Variants in SIPA1L1 observed in about 807,000 individuals in gnomAD.
SIPA1L1 encodes signal-induced proliferation-associated 1-like protein 1.
A neutral mutation model predicts 162.7 loss-of-function variants in SIPA1L1; 26 were observed. That is an observed-to-expected ratio of 0.16 (90% CI 0.12 to 0.22). The LOEUF (loss-of-function observed/expected upper bound fraction) is 0.22. Among genes scored for constraint, SIPA1L1 ranks in the 10% least tolerant of loss-of-function variants. The pLI is 1.00. For synonymous variants in SIPA1L1, 829 were observed against 837.4 expected (o/e 0.99, Z 0.17); for missense variants, 1,874 against 2,241.0 (o/e 0.84, Z 3.31).
Position 71,588,209 on chromosome 14 carries a change from A to T in SIPA1L1, c.337A>T (p.Ser113Cys), listed in dbSNP as rs1428925395. 9 of 1,614,068 alleles carry T rather than the reference A, an allele frequency of 5.6e-6. No homozygotes were observed. In the African/African-American group the frequency reaches 1.1e-4, roughly 19 times the overall value. Residue 113 changes from serine to cysteine, a missense_variant, in exon 5 of 24, where the codon AGC becomes TGC. Transcript: ENST00000381232. This position sits in a 1 kb window ranked among gnomAD's most constrained non-coding sequence, Gnocchi z 4.3. ...SSCLDSLSSK[S>C]SPVSQGSSVS... ...TTGCCTTGATAGCCTGTCCTCCAAA[A>T]GCAGTCCTGTGAGTCAGGGAAGTTC...
intron 4 of SIPA1L1, among the ~76,000 whole-genome samples, chr14:71,543,711 T>C (rs1393502141): frequency 6.6e-6 from 1 of 151,438 alleles, no homozygotes; most frequent in African/African-American, 2.4e-5. Flanking sequence ...CTTTTTTTTT[T>C]TTTTGCAGTG....
chr14:71,611,609 A>G (rs952999360), intron 5 of SIPA1L1, among the ~76,000 whole-genome samples: 2 of 149,128 alleles, frequency 1.3e-5, no homozygotes, highest in Admixed American at 6.6e-5. Context: ...CCCTGTGTCC[A>G]TGTTCTCATT....
At chr14:71,609,962 G>C (rs1163321174) in intron 5 of SIPA1L1, among the ~76,000 whole-genome samples, 1 of 148,534 alleles carries the variant, frequency 6.7e-6, no homozygotes, top group Non-Finnish European at 1.5e-5. Context: ...TTGAAGCACA[G>C]TTGCAGAAGT....
chr14:71,684,556 C>G (rs1479858751), intron 12 of SIPA1L1, among the ~76,000 whole-genome samples: 3 of 152,266 alleles, frequency 2.0e-5, no homozygotes, highest in Non-Finnish European at 2.9e-5. Context: ...TGCTCGTACA[C>G]CCTTTCGGAG....
At chr14:71,359,989 G>A (rs1202780481) in intron 2 of SIPA1L1, among the ~76,000 whole-genome samples, 1 of 152,190 alleles carries the variant, frequency 6.6e-6, no homozygotes, top group Non-Finnish European at 1.5e-5. Flanking sequence ...GAGTTTCAGG[G>A]TATGAGGGTA....
chr14:71,415,532 T>C (rs571267101), intron 2 of SIPA1L1, among the ~76,000 whole-genome samples: 2 of 152,340 alleles, frequency 1.3e-5, no homozygotes, highest in Non-Finnish European at 2.9e-5. Context: ...AATGTAGCTC[T>C]GCTCTGGTAC....
chr14:71,459,728 G>T (rs1266061601), intron 2 of SIPA1L1, among the ~76,000 whole-genome samples: 1 of 152,064 alleles, frequency 6.6e-6, no homozygotes, highest in Non-Finnish European at 1.5e-5. Context: ...CCAGATTAAG[G>T]GTGGGTCTGC....
At chr14:71,610,068 T>G (rs1002828949) in intron 5 of SIPA1L1, among the ~76,000 whole-genome samples, 15 of 152,302 alleles carry the variant, frequency 9.8e-5, no homozygotes, top group Middle Eastern at 3.4e-3. Context: ...CATTTCAAAG[T>G]AGGGGTGAGT....
intron 12 of SIPA1L1, among the ~76,000 whole-genome samples, chr14:71,674,227 G>A (rs920908393): frequency 1.9e-4 from 29 of 152,160 alleles, no homozygotes; most frequent in Non-Finnish European, 3.5e-4. Flanking sequence ...TCTTTCCCTT[G>A]TATCTAGGCT....
Position 71,653,670 on chromosome 14 carries a change from T to G in SIPA1L1, c.1993+3161T>G, listed in dbSNP as rs568632064. 3.9e-5 allele frequency among the ~76,000 whole-genome samples: 6 copies of G among 152,326 alleles called. No individual in the cohort carries two copies. In the South Asian group the frequency reaches 1.2e-3, roughly 32 times the overall value. ...TCTCCAATGTCTGCAAACAGTTGTT[T>G]CAGCTATTATATCATTTTTTCTAGT... On this transcript the variant is annotated intron_variant, in intron 8 of 23. Coordinates refer to ENST00000381232, the MANE Select transcript of SIPA1L1 (RefSeq NM_001386936.1).
intron 10 of SIPA1L1, among the ~76,000 whole-genome samples, chr14:71,663,730 C>G (rs144230057): frequency 6.6e-6 from 1 of 152,088 alleles, no homozygotes; most frequent in South Asian, 2.1e-4. Context: ...GAGAGCCCAC[C>G]GTTTGAACCC....
intron 7 of SIPA1L1, among the ~76,000 whole-genome samples, chr14:71,637,249 C>T (rs924929463): frequency 6.6e-6 from 1 of 151,896 alleles, no homozygotes; most frequent in Non-Finnish European, 1.5e-5. Flanking sequence ...ACACGGTAGT[C>T]CCTCAGTATT....
At chr14:71,336,738 G>C (rs1349147061) in intron 2 of SIPA1L1, among the ~76,000 whole-genome samples, 1 of 152,156 alleles carries the variant, frequency 6.6e-6, no homozygotes. Context: ...CAGTACATGT[G>C]ATTGCGTAAT....
intron 3 of SIPA1L1, among the ~76,000 whole-genome samples, chr14:71,521,574 T>C (rs2052357270): frequency 6.6e-6 from 1 of 152,218 alleles, no homozygotes. Context: ...AGGTTGCTTC[T>C]GTGGTTTTCT....
intron 3 of SIPA1L1, among the ~76,000 whole-genome samples, 186 bp from the exon 4 acceptor site, chr14:71,529,122 AAAAG>A (rs949975465): frequency 6.6e-5 from 10 of 152,152 alleles, no homozygotes; most frequent in African/African-American, 2.4e-4. Context: ...TAAAAAAAAA[AAAAG>A]AAAGAAATAT....
intron 2 of SIPA1L1, among the ~76,000 whole-genome samples, chr14:71,354,041 A>G (rs979850113): frequency 1.3e-5 from 2 of 152,064 alleles, no homozygotes; most frequent in African/African-American, 2.4e-5. Flanking sequence ...GAAATACTCA[A>G]ACAATTTTTT....
chr14:71,498,836 A>T (rs1239326502), intron 2 of SIPA1L1, among the ~76,000 whole-genome samples: 3 of 152,212 alleles, frequency 2.0e-5, no homozygotes, highest in African/African-American at 7.2e-5. Flanking sequence ...ACTAGTCAGG[A>T]CAGGATGAAG....
intron 5 of SIPA1L1, among the ~76,000 whole-genome samples, chr14:71,600,514 A>C (rs2036607977): frequency 6.6e-6 from 1 of 152,142 alleles, no homozygotes. Context: ...AATATGTTTT[A>C]AAGTCAGGTA....
intron 4 of SIPA1L1, among the ~76,000 whole-genome samples, chr14:71,568,380 G>T (rs1405821201): frequency 1.3e-5 from 2 of 152,166 alleles, no homozygotes; most frequent in Non-Finnish European, 2.9e-5. Flanking sequence ...TTGTATCCAG[G>T]GAATAGAGGA....
Sources: allele counts gnomAD v4.1 joint callset (sites outside exome capture counted in the v4.1 genomes callset), GRCh38; gene constraint gnomAD v4.1.1; non-coding constraint Gnocchi (gnomAD v3.1); transcripts MANE v1.5; gene names NCBI Gene and HGNC (gene_info 2026-07-23, HGNC 2026-07-21).